SLC38A8: variants seen among roughly 807,000 people sequenced by gnomAD.
SLC38A8 encodes solute carrier family 38 member 8.
Under a neutral mutation model 46.0 loss-of-function variants are expected in SLC38A8, and 65 were observed. That is an observed-to-expected ratio of 1.41 (90% CI 1.16 to 1.74). The LOEUF (loss-of-function observed/expected upper bound fraction) is 1.74, where lower values mean the gene tolerates loss of function less well. Ranked by LOEUF, SLC38A8 falls within the 40% of genes most tolerant of loss-of-function variation. SLC38A8 has a pLI of 0.00. For synonymous variants in SLC38A8, 447 were observed against 243.7 expected (o/e 1.83, Z -7.77); for missense variants, 998 against 567.9 (o/e 1.76, Z -7.70).
chr16:84,036,215 T>C (rs2085297825), intron 3 of SLC38A8, among the ~76,000 whole-genome samples: 1 of 152,186 alleles, frequency 6.6e-6, no homozygotes, highest in Admixed American at 6.5e-5. Flanking sequence ...AAGGAGCAAA[T>C]ATTTTAAATT....
chr16:84,011,353 G>A (rs775121782), intron 10 of SLC38A8, among the ~76,000 whole-genome samples: 14 of 152,234 alleles, frequency 9.2e-5, no homozygotes, highest in East Asian at 1.9e-4. Flanking sequence ...GGCTTAGGGG[G>A]TTACCAGACA....
Position 84,017,288 on chromosome 16 carries a change from C to A in SLC38A8, c.806-1G>T. ...CCAAAAGTCAGGAAGCCATAAACCCCTGAAGGTGGGAAAGGATGGAAGCCA... is the reference window on the plus strand; with the variant it reads ...CCAAAAGTCAGGAAGCCATAAACCCATGAAGGTGGGAAAGGATGGAAGCCA... On this transcript the variant is annotated splice_acceptor_variant, in intron 7 of 10. Coordinates refer to ENST00000299709, the MANE Select transcript of SLC38A8 (RefSeq NM_001080442.3). LOFTEE classifies it high-confidence loss of function. 1 of 1,614,000 alleles carries A rather than the reference C, an allele frequency of 6.2e-7. No individual in the cohort carries two copies.
intron 7 of SLC38A8, among the ~76,000 whole-genome samples, chr16:84,022,254 C>T (rs1416133531): frequency 6.6e-6 from 1 of 152,222 alleles, no homozygotes; most frequent in African/African-American, 2.4e-5. Context: ...CAGAAGCCAG[C>T]CGTGCCAGGG....
chr16:84,036,354 C>A (rs909127684), intron 3 of SLC38A8, among the ~76,000 whole-genome samples: 8 of 152,234 alleles, frequency 5.3e-5, no homozygotes, highest in African/African-American at 1.9e-4. Context: ...GGTGAGGGCT[C>A]AGAGCCACAG....
intron 10 of SLC38A8, 86 bp from the exon 11 acceptor site, chr16:84,009,963 G>C (rs2084935516): frequency 1.8e-6 from 2 of 1,108,514 alleles, no homozygotes; most frequent in East Asian, 2.5e-5. Flanking sequence ...ACTATGTAGA[G>C]CCCAGTATGG....
chr16:84,023,169 C>A (rs911030399), intron 6 of SLC38A8, among the ~76,000 whole-genome samples: 1 of 152,088 alleles, frequency 6.6e-6, no homozygotes, highest in Non-Finnish European at 1.5e-5. Flanking sequence ...AACTAGCTCT[C>A]TAGCTCATTA....
chr16:84,011,557 T>C (rs1188988264), intron 10 of SLC38A8, among the ~76,000 whole-genome samples: 1 of 152,198 alleles, frequency 6.6e-6, no homozygotes, highest in Non-Finnish European at 1.5e-5. Flanking sequence ...CATTTAACAT[T>C]ATCTGGGATG....
At chr16:84,015,577 C>CGG (rs56160820) in intron 9 of SLC38A8, among the ~76,000 whole-genome samples, 14 of 152,146 alleles carry the variant, frequency 9.2e-5, no homozygotes, top group Non-Finnish European at 1.6e-4. Flanking sequence ...GTGCCCCCGG[C>CGG]GGGGGTTCAG....
intron 7 of SLC38A8, among the ~76,000 whole-genome samples, chr16:84,022,025 A>T (rs2085101762): frequency 6.6e-6 from 1 of 152,198 alleles, no homozygotes. Flanking sequence ...TCCATTCTTG[A>T]GGGCAGAGGC....
At chr16:84,035,104 G>T (rs117389333) in intron 3 of SLC38A8, among the ~76,000 whole-genome samples, 2 of 152,198 alleles carry the variant, frequency 1.3e-5, no homozygotes, top group Non-Finnish European at 2.9e-5. Context: ...GACCTGGGGT[G>T]GCCCGTATCC....
intron 9 of SLC38A8, among the ~76,000 whole-genome samples, chr16:84,013,455 G>A (rs1429022210): frequency 1.9e-4 from 16 of 86,346 alleles, no homozygotes; most frequent in East Asian, 8.6e-4. Flanking sequence ...TTTTTGAGAC[G>A]GAGTCTCACT....
At chr16:84,015,431 C>G (rs2085013632) in intron 9 of SLC38A8, among the ~76,000 whole-genome samples, 1 of 152,060 alleles carries the variant, frequency 6.6e-6, no homozygotes. Context: ...GAGACATTTG[C>G]AGGGTGCCTT....
Position 84,042,143 on chromosome 16 carries a change from G to A in SLC38A8, c.15C>T (p.Thr5=). 1.2e-6 allele frequency: 2 copies of A among 1,612,284 alleles called. No homozygotes were observed. Among genetic ancestry groups the A allele is most frequent in the East Asian group, 2.2e-5 (1 of 44,858 alleles). The change falls in exon 2 of 11, where the codon ACC becomes ACT. Residue 5 remains threonine (T), a synonymous_variant. Coordinates refer to ENST00000299709, the MANE Select transcript of SLC38A8 (RefSeq NM_001080442.3). ...TTTCTGGAAGGCCCCTGCTTCCTGG[G>A]GTCTGTCCCTCCATGGCTAGAGGCG... MEGQ[T]PGSRGLPEKP... is the part of the protein sequence containing the mutation.
intron 6 of SLC38A8, 65 bp downstream of exon 6, chr16:84,029,429 G>C: frequency 6.4e-7 from 1 of 1,566,120 alleles, no homozygotes; most frequent in East Asian, 2.3e-5. Context: ...GGTTTCCCAA[G>C]GGAGCAGAGA....
At chr16:84,041,364 G>C (rs1394026112) in intron 2 of SLC38A8, 2 of 152,700 alleles carry the variant, frequency 1.3e-5, no homozygotes, top group East Asian at 3.9e-4. Context: ...CGTCGCCCAG[G>C]CTGGAGCGCA....
intron 9 of SLC38A8, among the ~76,000 whole-genome samples, chr16:84,013,422 G>GTTTTTTTTTGT (rs369454720): frequency 1.4e-4 from 15 of 108,718 alleles, no homozygotes; most frequent in South Asian, 2.8e-4. Flanking sequence ...TGTTGTGTGT[G>GTTTTTTTTTGT]TGTTTTTTTT....
intron 6 of SLC38A8, among the ~76,000 whole-genome samples, chr16:84,023,985 C>G (rs1419580153): frequency 2.0e-5 from 3 of 152,236 alleles, no homozygotes; most frequent in Non-Finnish European, 4.4e-5. Flanking sequence ...CAGGGTTTCT[C>G]AGCCTTGACA....
intron 10 of SLC38A8, among the ~76,000 whole-genome samples, chr16:84,010,516 G>A (rs549383960): frequency 1.1e-4 from 17 of 151,988 alleles, no homozygotes; most frequent in African/African-American, 3.1e-4. Flanking sequence ...TGAGGCAGGC[G>A]GATTCACCTG....
At chr16:84,035,328 G>C (rs1372709727) in intron 3 of SLC38A8, among the ~76,000 whole-genome samples, 1 of 152,182 alleles carries the variant, frequency 6.6e-6, no homozygotes, top group Non-Finnish European at 1.5e-5. Flanking sequence ...TGTTTACCAA[G>C]ACACAGCAGC....
Sources: allele counts gnomAD v4.1 joint callset (sites outside exome capture counted in the v4.1 genomes callset), GRCh38; gene constraint gnomAD v4.1.1; transcripts MANE v1.5; gene names NCBI Gene and HGNC (gene_info 2026-07-23, HGNC 2026-07-21).